LRP1B: variants seen among roughly 807,000 people sequenced by gnomAD.
The protein encoded by LRP1B is LDL receptor related protein 1B, also known as low-density lipoprotein receptor-related protein 1B.
Under a neutral mutation model 556.6 loss-of-function variants are expected in LRP1B, and 217 were observed. That is an observed-to-expected ratio of 0.39 (90% CI 0.35 to 0.44). The LOEUF (loss-of-function observed/expected upper bound fraction) is 0.44. LRP1B is among the 20% of genes least tolerant of loss of function. The probability of loss-of-function intolerance (pLI) is 1.00; values close to 1 mark genes in which losing one functional copy is unlikely to be tolerated. For synonymous variants in LRP1B, 2,047 were observed against 1,865.8 expected (o/e 1.10, Z -2.50); for missense variants, 5,053 against 5,620.8 (o/e 0.90, Z 3.23).
intron 13 of LRP1B, among the ~76,000 whole-genome samples, chr2:141,015,387 G>C (rs547169340): frequency 6.6e-6 from 1 of 152,012 alleles, no homozygotes. Context: ...ATAGAGTGGG[G>C]TTGCTTGGTT....
intron 2 of LRP1B, among the ~76,000 whole-genome samples, chr2:141,564,691 C>T (rs959095487): frequency 1.3e-5 from 2 of 151,990 alleles, no homozygotes; most frequent in African/African-American, 2.4e-5. Context: ...CTCCTAAAAG[C>T]ATGTGTCAGA....
intron 3 of LRP1B, among the ~76,000 whole-genome samples, chr2:141,365,891 T>C (rs1428701005): frequency 6.6e-6 from 1 of 152,128 alleles, no homozygotes; most frequent in African/African-American, 2.4e-5. Flanking sequence ...GCCAGGATGG[T>C]CTTGATCTCC....
intron 20 of LRP1B, among the ~76,000 whole-genome samples, chr2:140,933,451 C>A (rs577315858): frequency 6.6e-6 from 1 of 151,910 alleles, no homozygotes; most frequent in Non-Finnish European, 1.5e-5. Context: ...TGCCTGAAAT[C>A]CTACAGTTTA....
At chr2:140,343,390 A>C (rs1681493225) in intron 77 of LRP1B, among the ~76,000 whole-genome samples, 1 of 151,660 alleles carries the variant, frequency 6.6e-6, no homozygotes, top group Admixed American at 6.6e-5. Flanking sequence ...TTTTCACTTC[A>C]TAAAATGCCT....
intron 7 of LRP1B, among the ~76,000 whole-genome samples, chr2:141,139,089 AG>A (rs1279189302): frequency 6.6e-6 from 1 of 151,970 alleles, no homozygotes; most frequent in Non-Finnish European, 1.5e-5. Context: ...AAGGCACTAT[AG>A]TAGAGAAACA....
At chr2:141,942,721 T>C (rs1261582474) in intron 1 of LRP1B, among the ~76,000 whole-genome samples, 4 of 152,188 alleles carry the variant, frequency 2.6e-5, no homozygotes, top group African/African-American at 4.8e-5. Flanking sequence ...AGTGTCCCTG[T>C]TTACTGTATT....
chr2:141,550,420 A>G (rs12468830), intron 2 of LRP1B, among the ~76,000 whole-genome samples: 35,731 of 152,060 alleles, frequency 0.23, 5,209 homozygotes, highest in East Asian at 0.48. Context: ...TGCCATTTGT[A>G]AACAGATTTT....
intron 2 of LRP1B, among the ~76,000 whole-genome samples, chr2:141,521,336 T>A (rs562265721): frequency 6.6e-6 from 1 of 152,082 alleles, no homozygotes; most frequent in Admixed American, 6.6e-5. Context: ...ATACAATCAA[T>A]ATATAAATTA....
chr2:141,978,028 G>A (rs1203770903), intron 1 of LRP1B, among the ~76,000 whole-genome samples: 1 of 152,042 alleles, frequency 6.6e-6, no homozygotes, highest in African/African-American at 2.4e-5. Context: ...AATATCATAT[G>A]AACAACTCGC....
chr2:142,081,447 G>A (rs1299811037), intron 1 of LRP1B, among the ~76,000 whole-genome samples: 3 of 151,884 alleles, frequency 2.0e-5, no homozygotes, highest in East Asian at 1.9e-4. Flanking sequence ...AGCACACTTC[G>A]AGAATCAATC....
rs142277176 is a variant in LRP1B, at chr2:141,825,292, C to G, written c.83-14891G>C. On this transcript the variant is annotated intron_variant, in intron 1 of 90. Transcript: ENST00000389484. ...TGGGGGCAATCATGAAGGTGTAGCA[C>G]AGATAAAAAGACTGAATAGTAAAAA... Among the ~76,000 whole-genome samples the G allele has an allele frequency of 2.3e-4, 35 of 152,200 alleles. No homozygotes were observed. In the East Asian group the frequency reaches 6.2e-3, roughly 27 times the overall value.
At chr2:140,939,170 T>C (rs973964730) in intron 20 of LRP1B, among the ~76,000 whole-genome samples, 2 of 152,108 alleles carry the variant, frequency 1.3e-5, no homozygotes. Context: ...CAAGAAATAC[T>C]CTTTTATTCA....
At chr2:141,741,997 T>C (rs1574308227) in intron 2 of LRP1B, among the ~76,000 whole-genome samples, 1 of 152,182 alleles carries the variant, frequency 6.6e-6, no homozygotes, top group South Asian at 2.1e-4. Flanking sequence ...TCTAGCTTCA[T>C]TCTTCTGCAT....
rs1454426809 is a variant in LRP1B, at chr2:141,716,632, C to T, written c.205+93647G>A. Reference sequence around the variant, plus strand: ...CAAACATGCTCAAAGAAGGCCACTGCTCTGCATATGTTTTTGTCACTTGCA... The same window carrying T: ...CAAACATGCTCAAAGAAGGCCACTGTTCTGCATATGTTTTTGTCACTTGCA... On this transcript the variant is annotated intron_variant, in intron 2 of 90. Transcript: ENST00000389484. Among the ~76,000 whole-genome samples, 4 of 152,208 alleles carry T rather than the reference C, an allele frequency of 2.6e-5. No homozygotes were observed. In the East Asian group the frequency reaches 5.8e-4, roughly 22 times the overall value.
At chr2:140,390,798 AC>A (rs1683981856) in intron 66 of LRP1B, among the ~76,000 whole-genome samples, 1 of 150,988 alleles carries the variant, frequency 6.6e-6, no homozygotes, top group Non-Finnish European at 1.5e-5. Flanking sequence ...ACACACACAC[AC>A]ACACACAACA....
intron 32 of LRP1B, among the ~76,000 whole-genome samples, chr2:140,789,483 G>C (rs1315733249): frequency 1.3e-5 from 2 of 152,098 alleles, no homozygotes; most frequent in Non-Finnish European, 2.9e-5. Flanking sequence ...CTATGAAAGT[G>C]AAGTACTAAG....
intron 3 of LRP1B, among the ~76,000 whole-genome samples, chr2:141,357,040 TTTA>T: frequency 6.6e-6 from 1 of 151,780 alleles, no homozygotes; most frequent in Non-Finnish European, 1.5e-5. Context: ...TTTATTTTAT[TTTA>T]TTTTTATTTT....
At chr2:141,953,026 T>G (rs1701151902) in intron 1 of LRP1B, among the ~76,000 whole-genome samples, 2 of 152,048 alleles carry the variant, frequency 1.3e-5, no homozygotes, top group African/African-American at 4.8e-5. Context: ...GGAAAGAAAT[T>G]CATTTTTTTA....
At chr2:141,088,309 C>A (rs1700095216) in intron 7 of LRP1B, among the ~76,000 whole-genome samples, 1 of 152,132 alleles carries the variant, frequency 6.6e-6, no homozygotes, top group Admixed American at 6.5e-5. Flanking sequence ...TTGCCTATTT[C>A]TTTAATTACA....
Sources: gnomAD v4.1 joint callset for allele counts (sites outside exome capture counted in the v4.1 genomes callset) on GRCh38, gnomAD v4.1.1 for gene constraint, MANE v1.5 for transcripts, NCBI Gene and HGNC (gene_info 2026-07-23, HGNC 2026-07-21) for gene names.